FIRRM: variants seen among roughly 807,000 people sequenced by gnomAD.
The protein encoded by FIRRM is FIGNL1-interacting regulator of recombination and mitosis.
At chr1:169,833,169 T>C in the FIRRM span, among the ~76,000 whole-genome samples, 1 of 152,242 alleles carries the variant, frequency 6.6e-6, no homozygotes. Flanking sequence ...GGTCTTTACT[T>C]ACATAAACCT....
At chr1:169,825,191 T>C in the FIRRM span, among the ~76,000 whole-genome samples, 11 of 152,334 alleles carry the variant, frequency 7.2e-5, no homozygotes, top group South Asian at 1.9e-3. Flanking sequence ...TTTCTATCTT[T>C]GCCTCGCGCT....
At chr1:169,836,948 T>G in the FIRRM span, 1 of 1,610,930 alleles carries the variant, frequency 6.2e-7, no homozygotes, top group African/African-American at 1.3e-5. Context: ...CCAGAAATTT[T>G]CCCCAAAAGA....
At chr1:169,852,966 T>A in the FIRRM span, 1 of 1,613,932 alleles carries the variant, frequency 6.2e-7, no homozygotes, top group Admixed American at 1.7e-5. Context: ...AGCTAAAACG[T>A]TACATACATA....
At chr1:169,811,330 T>C in the FIRRM span, among the ~76,000 whole-genome samples, 6 of 152,186 alleles carry the variant, frequency 3.9e-5, no homozygotes, top group African/African-American at 1.4e-4. Context: ...CACTTAGATT[T>C]TATTGCCTGC....
chr1:169,850,398 C>T, the FIRRM span: 56 of 1,294,484 alleles, frequency 4.3e-5, no homozygotes, highest in Middle Eastern at 1.9e-4. Context: ...TTTTTTTTTC[C>T]GAAATTATGT....
the FIRRM span, among the ~76,000 whole-genome samples, chr1:169,801,506 T>A: frequency 2.0e-5 from 3 of 148,474 alleles, no homozygotes; most frequent in African/African-American, 4.9e-5. Context: ...CTTTACTAAC[T>A]GAATTTAAAT....
At chr1:169,795,577 G>T in the FIRRM span, 1 of 1,038,724 alleles carries the variant, frequency 9.6e-7, no homozygotes, top group Non-Finnish European at 1.2e-6. Flanking sequence ...GAGACCTGCG[G>T]TATGACGATA....
At chr1:169,824,802 G>A in the FIRRM span, among the ~76,000 whole-genome samples, 1 of 152,112 alleles carries the variant, frequency 6.6e-6, no homozygotes, top group Admixed American at 6.5e-5. Context: ...TCTCTTCTAA[G>A]TTAAGTGTGT....
chr1:169,828,233 T>C, the FIRRM span, among the ~76,000 whole-genome samples: 1 of 152,222 alleles, frequency 6.6e-6, no homozygotes, highest in African/African-American at 2.4e-5. Flanking sequence ...GTCCAGGCTC[T>C]AGTTTCTTTC....
the FIRRM span, among the ~76,000 whole-genome samples, chr1:169,800,268 C>A: frequency 6.6e-5 from 10 of 151,974 alleles, no homozygotes; most frequent in Admixed American, 6.6e-4. Flanking sequence ...TGGTCTTTAA[C>A]TCCTGGGCTC....
chr1:169,844,339 G>A, the FIRRM span, among the ~76,000 whole-genome samples: 1 of 152,178 alleles, frequency 6.6e-6, no homozygotes, highest in Non-Finnish European at 1.5e-5. Flanking sequence ...AAGTGGAAAA[G>A]CCCTTCAGCT....
chr1:169,807,733 C>T, the FIRRM span: 1 of 1,453,684 alleles, frequency 6.9e-7, no homozygotes, highest in Non-Finnish European at 9.1e-7. Flanking sequence ...GTTAGAGGTC[C>T]TAAGTTACTT....
the FIRRM span, chr1:169,795,295 A>G: frequency 2.1e-6 from 3 of 1,457,368 alleles, no homozygotes; most frequent in Non-Finnish European, 2.8e-6. Flanking sequence ...CTTCAGACCC[A>G]CCGCCAGGCT....
the FIRRM span, chr1:169,798,783 C>T: frequency 2.5e-6 from 1 of 406,510 alleles, no homozygotes; most frequent in African/African-American, 2.1e-5. Context: ...AAAATTAAGC[C>T]AGTAATTTGA....
chr1:169,850,995 T>TTTTG, the FIRRM span: 1 of 54,436 alleles, frequency 1.8e-5, no homozygotes, highest in Admixed American at 2.0e-4. Flanking sequence ...TTTTTTTTTT[T>TTTTG]TTTTTTTTTT....
the FIRRM span, among the ~76,000 whole-genome samples, chr1:169,796,967 G>C: frequency 6.6e-6 from 1 of 152,156 alleles, no homozygotes; most frequent in African/African-American, 2.4e-5. Flanking sequence ...TCTTACACTT[G>C]TATCACATTG....
the FIRRM span, among the ~76,000 whole-genome samples, chr1:169,791,201 C>T: frequency 2.0e-5 from 3 of 152,308 alleles, no homozygotes; most frequent in South Asian, 6.2e-4. Context: ...ACCCCTGTTG[C>T]TAGGTATAAG....
the FIRRM span, chr1:169,823,511 GC>G: frequency 7.8e-7 from 1 of 1,287,956 alleles, no homozygotes; most frequent in Non-Finnish European, 1.1e-6. Flanking sequence ...ATACAACAAT[GC>G]CATCTGTGCC....
chr1:169,843,979 C>T, the FIRRM span, among the ~76,000 whole-genome samples: 3 of 152,132 alleles, frequency 2.0e-5, no homozygotes, highest in African/African-American at 7.2e-5. Flanking sequence ...ATCTGTTCTT[C>T]TCTGTCACCC....
Sources: gnomAD v4.1 joint callset for allele counts (sites outside exome capture counted in the v4.1 genomes callset) on GRCh38, gnomAD v4.1.1 for gene constraint, MANE v1.5 for transcripts, NCBI Gene and HGNC (gene_info 2026-07-23, HGNC 2026-07-21) for gene names.